Variants in PRKD1 observed in about 807,000 individuals in gnomAD.
PRKD1 encodes the protein protein kinase D1, also known as serine/threonine-protein kinase D1.
PRKD1 carries 63 observed loss-of-function variants against 95.9 expected under a neutral mutation model. That is an observed-to-expected ratio of 0.66 (90% confidence interval 0.54 to 0.81). The LOEUF (loss-of-function observed/expected upper bound fraction) is 0.81, where lower values mean the gene tolerates loss of function less well. Ranked by LOEUF, PRKD1 falls within the 30% of genes least tolerant of loss-of-function variation. The pLI is 0.00. For missense variants in PRKD1, 1,048 were observed against 1,165.3 expected (o/e 0.90, Z 1.47); for synonymous variants, 425 against 423.1 (o/e 1.00, Z -0.05).
At chr14:29,671,194 A>G (rs1882821945) in intron 2 of PRKD1, among the ~76,000 whole-genome samples, 1 of 152,210 alleles carries the variant, frequency 6.6e-6, no homozygotes, top group Admixed American at 6.5e-5. Flanking sequence ...AAGGTCTCAC[A>G]AGCCAGACTG....
chr14:29,584,260 C>T (rs1166829387), intron 16 of PRKD1, among the ~76,000 whole-genome samples: 1 of 152,066 alleles, frequency 6.6e-6, no homozygotes. Flanking sequence ...AAAGCAAATA[C>T]CAAGTGTGTA....
chr14:29,802,466 T>C (rs912886965), intron 1 of PRKD1, among the ~76,000 whole-genome samples: 1 of 152,248 alleles, frequency 6.6e-6, no homozygotes, highest in Non-Finnish European at 1.5e-5. Flanking sequence ...GTAGATGGAT[T>C]AGATAGATCT....
intron 1 of PRKD1, among the ~76,000 whole-genome samples, chr14:29,826,651 A>G (rs867190132): frequency 0.012 from 474 of 39,858 alleles, 13 homozygotes; most frequent in African/African-American, 0.038. Context: ...GTGTATATAT[A>G]TGTGTGTGTG....
At chr14:29,924,961 CT>C (rs1895245935) in intron 1 of PRKD1, among the ~76,000 whole-genome samples, 2 of 152,188 alleles carry the variant, frequency 1.3e-5, no homozygotes, top group South Asian at 2.1e-4. Flanking sequence ...AAAAAGTCCT[CT>C]GTCCAGAAAC....
intron 1 of PRKD1, among the ~76,000 whole-genome samples, chr14:29,808,852 A>C (rs1224004525): frequency 6.6e-6 from 1 of 152,222 alleles, no homozygotes; most frequent in Non-Finnish European, 1.5e-5. Context: ...CTGATGAATC[A>C]TGAAGATTCT....
intron 1 of PRKD1, among the ~76,000 whole-genome samples, chr14:29,775,943 G>A (rs974385551): frequency 3.9e-5 from 6 of 152,114 alleles, no homozygotes; most frequent in Non-Finnish European, 5.9e-5. Context: ...CCTCTGAGAC[G>A]AAGCTTCCAG....
intron 2 of PRKD1, among the ~76,000 whole-genome samples, chr14:29,690,436 C>A (rs1007540602): frequency 6.6e-6 from 1 of 152,142 alleles, no homozygotes; most frequent in Non-Finnish European, 1.5e-5. Flanking sequence ...TGGGTGTCAT[C>A]CTTGCTTCTT....
At chr14:29,634,373 T>A (rs1431718085) in intron 8 of PRKD1, 45 bp downstream of exon 8, 1 of 1,613,232 alleles carries the variant, frequency 6.2e-7, no homozygotes, top group African/African-American at 1.3e-5. Context: ...ACTCCTCTAA[T>A]TAAAGCTAGC....
chr14:29,915,014 C>T (rs1300995169), intron 1 of PRKD1, among the ~76,000 whole-genome samples: 7 of 152,194 alleles, frequency 4.6e-5, no homozygotes, highest in African/African-American at 1.4e-4. Context: ...TGAGCCACCA[C>T]GCCCAGCCTG....
chr14:29,719,967 C>T (rs191491448), intron 2 of PRKD1, among the ~76,000 whole-genome samples: 149 of 152,296 alleles, frequency 9.8e-4, no homozygotes, highest in African/African-American at 3.3e-3. Flanking sequence ...TTCACATTAG[C>T]ATGCACCAAA....
intron 1 of PRKD1, among the ~76,000 whole-genome samples, chr14:29,742,692 A>C (rs1020539019): frequency 2.0e-5 from 3 of 152,222 alleles, no homozygotes; most frequent in Admixed American, 6.5e-5. Flanking sequence ...TATCAAGGTA[A>C]AATGTTATAC....
chr14:29,727,598 C>T (rs1886223238), intron 1 of PRKD1, among the ~76,000 whole-genome samples: 1 of 150,744 alleles, frequency 6.6e-6, no homozygotes, highest in African/African-American at 2.4e-5. Flanking sequence ...GATCCAGTTT[C>T]AGCTTTCTAC....
chr14:29,784,679 A>G (rs1889189705), intron 1 of PRKD1, among the ~76,000 whole-genome samples: 1 of 152,220 alleles, frequency 6.6e-6, no homozygotes, highest in Non-Finnish European at 1.5e-5. Flanking sequence ...AGGATACAAA[A>G]GTTGCCTGTG....
intron 1 of PRKD1, among the ~76,000 whole-genome samples, chr14:29,794,402 T>A (rs1279870868): frequency 6.6e-6 from 1 of 152,076 alleles, no homozygotes; most frequent in Non-Finnish European, 1.5e-5. Flanking sequence ...AGGTTTTTTT[T>A]GAGGGGGTGG....
chr14:29,792,097 A>G (rs1222123867), intron 1 of PRKD1, among the ~76,000 whole-genome samples: 1 of 152,150 alleles, frequency 6.6e-6, no homozygotes, highest in Non-Finnish European at 1.5e-5. Flanking sequence ...GTGATAGATC[A>G]ACAAAACTGA....
intron 1 of PRKD1, among the ~76,000 whole-genome samples, chr14:29,785,615 GA>G (rs1157809632): frequency 6.8e-6 from 1 of 145,990 alleles, no homozygotes; most frequent in African/African-American, 2.5e-5. Flanking sequence ...AAGGAGTAGT[GA>G]AAGTGGGCAT....
chr14:29,863,560 A>G lies in PRKD1; in HGVS notation c.264+63689T>C, dbSNP rs546919168. Among the ~76,000 whole-genome samples, 7 of 152,300 alleles carry G rather than the reference A, an allele frequency of 4.6e-5. No homozygotes were observed. In the South Asian group the frequency reaches 1.4e-3, roughly 32 times the overall value. ...GACTTCTGGACTCGATTTGGCTTTT[A>G]GGACTAAATGTTGAATGTTAGACAA... On this transcript the variant is annotated intron_variant, in intron 1 of 17. Transcript: ENST00000331968.
rs562859106 is a variant in PRKD1, at chr14:29,615,666, T to C, written c.1905+8486A>G. ...ACAGCGATTCTGACTTCTAACTACTTGTATCTGACTGCCCAAATAGAGTAT... is the reference window on the plus strand; with the variant it reads ...ACAGCGATTCTGACTTCTAACTACTCGTATCTGACTGCCCAAATAGAGTAT... On this transcript the variant is annotated intron_variant, in intron 13 of 17. Transcript: ENST00000331968. Among the ~76,000 whole-genome samples, 8 of 152,338 alleles carry C rather than the reference T, an allele frequency of 5.3e-5. No individual in the cohort carries two copies. The South Asian group carries it at 1.2e-3, about 24-fold the overall frequency.
At position 29,599,005 on chromosome 14, in the gene PRKD1, TGA is replaced by T. The variant is rs1893413895; in HGVS notation, c.2166+20_2166+21del. On this transcript the variant is annotated intron_variant, in intron 15 of 17. Transcript: ENST00000331968. Reference sequence around the variant, plus strand: ...GCAATGCTTCCAACTGGCTTTTTGCTGAGAGAGGCTTTTATACTTGCCTGAGG... The same window carrying T: ...GCAATGCTTCCAACTGGCTTTTTGCTGAGAGGCTTTTATACTTGCCTGAGG... The T allele has an allele frequency of 1.9e-6, 3 of 1,592,094 alleles. No individual in the cohort carries two copies. The highest frequency in any genetic ancestry group is 1.3e-5 in the African/African-American group (1 of 74,536).
Sources: gnomAD v4.1 joint callset for allele counts (sites outside exome capture counted in the v4.1 genomes callset) on GRCh38, gnomAD v4.1.1 for gene constraint, MANE v1.5 for transcripts, NCBI Gene and HGNC (gene_info 2026-07-23, HGNC 2026-07-21) for gene names.